RNF150: variants seen among roughly 807,000 people sequenced by gnomAD.
RNF150 encodes ring finger protein 150.
A neutral mutation model predicts 39.3 loss-of-function variants in RNF150; 24 were observed. The ratio of observed to expected loss-of-function variants is 0.61; its 90% CI spans 0.44 to 0.86. RNF150 has a LOEUF of 0.86. RNF150 is among the 40% of genes least tolerant of loss of function. RNF150 has a pLI of 0.00. For missense variants in RNF150, 502 were observed against 587.8 expected (o/e 0.85, Z 1.51); for synonymous variants, 255 against 227.3 (o/e 1.12, Z -1.10).
At chr4:141,037,715 G>C (rs1160507415) in intron 1 of RNF150, among the ~76,000 whole-genome samples, 1 of 152,162 alleles carries the variant, frequency 6.6e-6, no homozygotes, top group Non-Finnish European at 1.5e-5. Flanking sequence ...ATCTCCAGCT[G>C]TAAGAGTAGA....
chr4:141,126,513 A>G (rs927224669), intron 1 of RNF150, among the ~76,000 whole-genome samples: 1 of 152,206 alleles, frequency 6.6e-6, no homozygotes, highest in Non-Finnish European at 1.5e-5. Flanking sequence ...TTGGCTACAT[A>G]AAGATGGAGT....
At chr4:140,896,714 AAAC>A (rs1729968243) in intron 6 of RNF150, among the ~76,000 whole-genome samples, 1 of 45,582 alleles carries the variant, frequency 2.2e-5, no homozygotes, top group African/African-American at 5.9e-5. Flanking sequence ...AAAAACAAAC[AAAC>A]AAACAAAAAA....
chr4:141,095,269 T>C lies in RNF150; in HGVS notation c.484+37056A>G, dbSNP rs1480187032. Among the ~76,000 whole-genome samples, 5 of 152,276 alleles carry C rather than the reference T, an allele frequency of 3.3e-5. No individual in the cohort carries two copies. The South Asian group carries it at 1.0e-3, about 32-fold the overall frequency. ...CAAACACAGACGGCTTTGTACTCAG[T>C]AGTGAGCTCTCTTCCATGAGGGTCC... is the stretch of plus-strand genomic sequence containing the variant. On this transcript the variant is annotated intron_variant, in intron 1 of 6. Coordinates refer to ENST00000515673, the MANE Select transcript of RNF150 (RefSeq NM_020724.2).
intron 1 of RNF150, among the ~76,000 whole-genome samples, chr4:141,139,822 G>A (rs1452534140): frequency 6.6e-6 from 1 of 152,188 alleles, no homozygotes; most frequent in Non-Finnish European, 1.5e-5. Flanking sequence ...AGTGGGGGTT[G>A]TAATCCTGGA....
intron 1 of RNF150, among the ~76,000 whole-genome samples, chr4:141,198,561 T>C (rs1457409522): frequency 6.6e-6 from 1 of 152,194 alleles, no homozygotes; most frequent in Non-Finnish European, 1.5e-5. Flanking sequence ...AGTTGAATAA[T>C]GAACAGATGA....
At chr4:141,108,213 C>T (rs377178358) in intron 1 of RNF150, among the ~76,000 whole-genome samples, 4 of 152,128 alleles carry the variant, frequency 2.6e-5, no homozygotes, top group African/African-American at 4.8e-5. Context: ...TGGGGTAGAC[C>T]GGCATTCTTC....
chr4:141,008,063 T>A (rs1734936876), intron 1 of RNF150, among the ~76,000 whole-genome samples: 1 of 152,198 alleles, frequency 6.6e-6, no homozygotes, highest in Non-Finnish European at 1.5e-5. Flanking sequence ...GGATTGGAGA[T>A]GTACTGGAAG....
intron 5 of RNF150, 96 bp from the exon 6 acceptor site, chr4:140,911,450 A>G (rs1393015597): frequency 9.7e-7 from 1 of 1,034,812 alleles, no homozygotes; most frequent in African/African-American, 1.6e-5. Flanking sequence ...GAAAAAATTA[A>G]GTTCTTTATT....
intron 1 of RNF150, among the ~76,000 whole-genome samples, chr4:141,086,213 G>C (rs1738361306): frequency 6.6e-6 from 1 of 152,064 alleles, no homozygotes; most frequent in African/African-American, 2.4e-5. Context: ...CAAATTTTCT[G>C]CATCCTTCAA....
At position 140,906,367 on chromosome 4, in the gene RNF150, T is replaced by C. The variant is rs1195817744; in HGVS notation, c.1198+4777A>G. Among the ~76,000 whole-genome samples, 5 of 152,090 alleles carry C rather than the reference T, an allele frequency of 3.3e-5. 1 individual carries two copies. Among genetic ancestry groups the C allele is most frequent in the Non-Finnish European group, 7.3e-5 (5 of 68,028 alleles). On this transcript the variant is annotated intron_variant, in intron 6 of 6. Transcript: ENST00000515673. ...AAATAATATAAATAAAAAGTCAATA[T>C]GCTAGAACAACTATAATATTAGGTA...
At position 141,154,890 on chromosome 4, in the gene RNF150, A is replaced by C. The variant is rs555531284; in HGVS notation, c.-6+57904T>G. Among the ~76,000 whole-genome samples the C allele has an allele frequency of 2.6e-5, 4 of 152,276 alleles. No individual in the cohort carries two copies. In the East Asian group the frequency reaches 7.7e-4, roughly 29 times the overall value. On this transcript the variant is annotated intron_variant, in intron 1 of 7. Coordinates refer to the RNF150 transcript ENST00000420921. ...ACCCTAAAGATGGGTAGAGGTAATTACCTTCATGCCTGACTCATAATGATA... is the reference window on the plus strand; with the variant it reads ...ACCCTAAAGATGGGTAGAGGTAATTCCCTTCATGCCTGACTCATAATGATA...
chr4:141,052,913 T>C (rs1350552373), intron 1 of RNF150, among the ~76,000 whole-genome samples: 1 of 152,146 alleles, frequency 6.6e-6, no homozygotes, highest in Non-Finnish European at 1.5e-5. Context: ...CTGTGGCAAT[T>C]TCCACCATTT....
intron 1 of RNF150, among the ~76,000 whole-genome samples, chr4:141,075,004 T>C (rs1288317044): frequency 6.6e-6 from 1 of 152,350 alleles, no homozygotes; most frequent in East Asian, 1.9e-4. Context: ...GGAACTCTTT[T>C]GTCTTAAATA....
intron 4 of RNF150, among the ~76,000 whole-genome samples, chr4:140,940,446 TA>T (rs1732038246): frequency 6.6e-6 from 1 of 152,024 alleles, no homozygotes; most frequent in South Asian, 2.1e-4. Context: ...GTTAGGCAAA[TA>T]AATTATGGCA....
At chr4:141,206,419 CAAAAAAA>C (rs58176149) in intron 1 of RNF150, among the ~76,000 whole-genome samples, 3 of 64,230 alleles carry the variant, frequency 4.7e-5, no homozygotes, top group Admixed American at 2.0e-4. Flanking sequence ...GACTCAATCT[CAAAAAAA>C]AAAAAAAAAA....
intron 1 of RNF150, among the ~76,000 whole-genome samples, chr4:141,077,323 A>T (rs1737933048): frequency 6.6e-6 from 1 of 152,196 alleles, no homozygotes; most frequent in South Asian, 2.1e-4. Context: ...CTCCGGAGTG[A>T]ACTGTTGATA....
chr4:141,066,032 C>T (rs1040211695), intron 1 of RNF150, among the ~76,000 whole-genome samples: 1 of 151,962 alleles, frequency 6.6e-6, no homozygotes, highest in Non-Finnish European at 1.5e-5. Flanking sequence ...ATCCCCGGAC[C>T]TTTCATTCTA....
At chr4:141,021,322 G>A (rs1735482923) in intron 1 of RNF150, among the ~76,000 whole-genome samples, 1 of 152,168 alleles carries the variant, frequency 6.6e-6, no homozygotes, top group Non-Finnish European at 1.5e-5. Context: ...AGAGCTCAGG[G>A]GAGCCTGAGT....
At chr4:141,011,013 T>G (rs1735055674) in intron 1 of RNF150, among the ~76,000 whole-genome samples, 1 of 152,174 alleles carries the variant, frequency 6.6e-6, no homozygotes, top group African/African-American at 2.4e-5. Context: ...TACTTTTATC[T>G]CGAGGTATTG....
Sources: allele counts gnomAD v4.1 joint callset (sites outside exome capture counted in the v4.1 genomes callset), GRCh38; gene constraint gnomAD v4.1.1; transcripts MANE v1.5; gene names NCBI Gene and HGNC (gene_info 2026-07-23, HGNC 2026-07-21).